Variants in MAGI2 observed in about 807,000 individuals in gnomAD.
The protein encoded by MAGI2 is membrane associated guanylate kinase, WW and PDZ domain containing 2.
Under a neutral mutation model 133.3 loss-of-function variants are expected in MAGI2, and 35 were observed. That is an observed-to-expected ratio of 0.26 (90% CI 0.20 to 0.35). MAGI2 has a LOEUF of 0.35. Among genes scored for constraint, MAGI2 ranks in the 10% least tolerant of loss-of-function variants. MAGI2 has a pLI of 1.00. For synonymous variants in MAGI2, 729 were observed against 710.6 expected (o/e 1.03, Z -0.41); for missense variants, 1,636 against 1,863.4 (o/e 0.88, Z 2.25).
At chr7:79,187,456 C>T (rs1827267740) in intron 1 of MAGI2, among the ~76,000 whole-genome samples, 1 of 151,676 alleles carries the variant, frequency 6.6e-6, no homozygotes, top group African/African-American at 2.4e-5. Context: ...ACCCTCAGTC[C>T]ATCTACCTAT....
At chr7:78,843,230 T>A (rs1038548687) in intron 2 of MAGI2, among the ~76,000 whole-genome samples, 25 of 151,994 alleles carry the variant, frequency 1.6e-4, no homozygotes, top group African/African-American at 5.5e-4. Flanking sequence ...TGTGGATGTG[T>A]TTCAGCAACT....
rs187246282 is a variant in MAGI2 at position 79,448,864 on chromosome 7, A to G, written c.301+4156T>C. ...TAAGAATAGGGACAGTACAGATAAA[A>G]AGCAAATAATCATATTTAACATTCG... On this transcript the variant is annotated intron_variant, in intron 1 of 21. Coordinates refer to ENST00000354212, the MANE Select transcript of MAGI2 (RefSeq NM_012301.4). 5.3e-5 allele frequency among the ~76,000 whole-genome samples: 8 copies of G among 152,282 alleles called. No individual in the cohort carries two copies. In the East Asian group the frequency reaches 1.4e-3, roughly 26 times the overall value.
intron 10 of MAGI2, among the ~76,000 whole-genome samples, chr7:78,212,025 C>A (rs1584414959): frequency 1.3e-5 from 2 of 152,302 alleles, no homozygotes; most frequent in Middle Eastern, 6.8e-3. Context: ...TACCATTATT[C>A]TTTTATGAAT....
chr7:79,312,379 A>G (rs1838355785), intron 1 of MAGI2, among the ~76,000 whole-genome samples: 1 of 152,072 alleles, frequency 6.6e-6, no homozygotes, highest in East Asian at 1.9e-4. Context: ...CTCCCCAATC[A>G]TGATCTTTGC....
At chr7:78,176,069 C>T (rs747904018) in intron 14 of MAGI2, among the ~76,000 whole-genome samples, 9 of 152,110 alleles carry the variant, frequency 5.9e-5, no homozygotes, top group Non-Finnish European at 1.2e-4. Flanking sequence ...AGGGCTGACT[C>T]GGTCACCTAG....
intron 16 of MAGI2, among the ~76,000 whole-genome samples, chr7:78,148,744 T>C (rs1474913670): frequency 2.6e-5 from 4 of 152,094 alleles, no homozygotes; most frequent in African/African-American, 9.7e-5. Flanking sequence ...GACACAGATC[T>C]GTGGATTAGC....
chr7:78,720,165 C>A (rs1433984337), intron 2 of MAGI2, among the ~76,000 whole-genome samples: 1 of 151,982 alleles, frequency 6.6e-6, no homozygotes, highest in East Asian at 1.9e-4. Flanking sequence ...ACAAATAAAT[C>A]CTGCCTTCCT....
At chr7:78,131,630 C>A (rs3807712) in intron 18 of MAGI2, among the ~76,000 whole-genome samples, 17,827 of 152,198 alleles carry the variant, frequency 0.12, 1,383 homozygotes, top group Non-Finnish European at 0.18. Flanking sequence ...CCACGGAAAG[C>A]GAGAAAGCAT....
At chr7:78,797,310 C>A (rs1376558093) in intron 2 of MAGI2, among the ~76,000 whole-genome samples, 1 of 151,904 alleles carries the variant, frequency 6.6e-6, no homozygotes, top group Non-Finnish European at 1.5e-5. Flanking sequence ...TATCATACAG[C>A]AATAAAAAGC....
intron 1 of MAGI2, among the ~76,000 whole-genome samples, chr7:79,072,454 T>C (rs1815073689): frequency 6.6e-6 from 1 of 152,194 alleles, no homozygotes; most frequent in South Asian, 2.1e-4. Context: ...AGTTAATTGG[T>C]TATAATTATT....
chr7:79,291,856 T>C lies in MAGI2; in HGVS notation c.301+161164A>G, dbSNP rs143707863. On this transcript the variant is annotated intron_variant, in intron 1 of 21. Transcript: ENST00000354212. ...ACAATTTGCAAATATTTTCACCCAT[T>C]CTGTGAACTGTCATTCATTTTCTTG... Among the ~76,000 whole-genome samples, 63 of 152,300 alleles carry C rather than the reference T, an allele frequency of 4.1e-4. No individual in the cohort carries two copies. In the East Asian group the frequency reaches 0.012, roughly 28 times the overall value.
At chr7:79,305,688 T>C (rs547900534) in intron 1 of MAGI2, among the ~76,000 whole-genome samples, 1 of 152,108 alleles carries the variant, frequency 6.6e-6, no homozygotes, top group Non-Finnish European at 1.5e-5. Context: ...AGGCAGAGGA[T>C]TGCTTGACCA....
intron 6 of MAGI2, among the ~76,000 whole-genome samples, chr7:78,380,150 C>G (rs979761963): frequency 6.6e-6 from 1 of 151,652 alleles, no homozygotes; most frequent in Non-Finnish European, 1.5e-5. Context: ...ACAACACACA[C>G]ACACACACAC....
At chr7:78,210,466 T>C (rs1787662085) in intron 10 of MAGI2, among the ~76,000 whole-genome samples, 1 of 152,104 alleles carries the variant, frequency 6.6e-6, no homozygotes, top group Non-Finnish European at 1.5e-5. Context: ...TTGGCTGAGA[T>C]AAAAAAAGAG....
chr7:78,936,187 T>C (rs17151714), intron 2 of MAGI2, among the ~76,000 whole-genome samples: 4,464 of 151,680 alleles, frequency 0.029, 273 homozygotes, highest in East Asian at 0.17. Context: ...CTAAAGTAAA[T>C]AGGAAAAATG....
intron 2 of MAGI2, among the ~76,000 whole-genome samples, chr7:78,668,081 C>T (rs1231221332): frequency 1.3e-5 from 2 of 152,126 alleles, no homozygotes; most frequent in Non-Finnish European, 2.9e-5. Context: ...TAGTGATTGC[C>T]ATTCTAACTG....
At chr7:79,127,861 C>T (rs928949598) in intron 1 of MAGI2, among the ~76,000 whole-genome samples, 12 of 152,116 alleles carry the variant, frequency 7.9e-5, no homozygotes, top group African/African-American at 1.2e-4. Flanking sequence ...GTTTTAGACA[C>T]GAAGTCCTTG....
chr7:78,721,281 A>C (rs1820245117), intron 2 of MAGI2, among the ~76,000 whole-genome samples: 1 of 152,130 alleles, frequency 6.6e-6, no homozygotes, highest in East Asian at 1.9e-4. Flanking sequence ...ATATGTATGT[A>C]TATGCCCAGA....
rs920871259 is a variant in MAGI2 at position 78,284,276 on chromosome 7, A to G, written c.1409-27695T>C. On this transcript the variant is annotated intron_variant, in intron 9 of 21. Transcript: ENST00000354212. Reference sequence around the variant, plus strand: ...TTATTTTTTGACATTTTAAATATGAAAAATAGCCAATTCTGTTTAAAAATA... The same window carrying G: ...TTATTTTTTGACATTTTAAATATGAGAAATAGCCAATTCTGTTTAAAAATA... 5.3e-5 allele frequency among the ~76,000 whole-genome samples: 8 copies of G among 152,024 alleles called. No individual in the cohort carries two copies. In the East Asian group the frequency reaches 1.2e-3, roughly 22 times the overall value.
Sources: allele counts gnomAD v4.1 joint callset (sites outside exome capture counted in the v4.1 genomes callset), GRCh38; gene constraint gnomAD v4.1.1; transcripts MANE v1.5; gene names NCBI Gene and HGNC (gene_info 2026-07-23, HGNC 2026-07-21).